DLG2: variants seen among roughly 807,000 people sequenced by gnomAD.
DLG2 encodes discs large MAGUK scaffold protein 2.
Under a neutral mutation model 132.5 loss-of-function variants are expected in DLG2, and 45 were observed. The observed-to-expected ratio is 0.34, with a 90% confidence interval of 0.27 to 0.44. The LOEUF is 0.44. Ranked by LOEUF, DLG2 falls within the 20% of genes least tolerant of loss-of-function variation. The pLI is 1.00. For missense variants in DLG2, 1,045 were observed against 1,196.9 expected (o/e 0.87, Z 1.87); for synonymous variants, 424 against 419.6 (o/e 1.01, Z -0.13).
chr11:85,021,747 C>G lies in DLG2; in HGVS notation c.357+89914G>C, dbSNP rs1359492485. 7.9e-6 allele frequency: 5 copies of G among 631,950 alleles called. No individual in the cohort carries two copies. The African/African-American group carries it at 9.3e-5, about 12-fold the overall frequency. The allele number at this position is 631,950 out of a possible 1,614,324, so 39.1% of individuals were successfully genotyped here. A position where few individuals can be genotyped will look rare whatever the true frequency, so the allele number is the denominator to read the frequency against. Reference sequence around the variant, plus strand: ...GTGAGGAGGGAGAAGAGATTCGATTCTGAGTCTCCTACTCCTGGGTTCTAC... The same window carrying G: ...GTGAGGAGGGAGAAGAGATTCGATTGTGAGTCTCCTACTCCTGGGTTCTAC... On this transcript the variant is annotated intron_variant, in intron 6 of 27. Transcript: ENST00000376104.
At chr11:85,483,978 T>C (rs1022734974) in intron 3 of DLG2, among the ~76,000 whole-genome samples, 8 of 152,094 alleles carry the variant, frequency 5.3e-5, no homozygotes, top group Non-Finnish European at 1.2e-4. Flanking sequence ...GCCCGGGTCT[T>C]CCAGGAGTCG....
At chr11:83,472,057 AAAG>A (rs1341671830) in intron 23 of DLG2, among the ~76,000 whole-genome samples, 1 of 152,178 alleles carries the variant, frequency 6.6e-6, no homozygotes, top group East Asian at 1.9e-4. Flanking sequence ...GTGGGAGAAA[AAAG>A]AATCCAAACC....
Position 84,275,369 on chromosome 11 carries a change from TC to T in DLG2, c.520-24079del, listed in dbSNP as rs1227095334. ...CCATGTGCTATAATTTTTTTTTTTTTCTTGAGACGGAGTCTCGCTCTGTCGC... is the reference window on the plus strand; with the variant it reads ...CCATGTGCTATAATTTTTTTTTTTTTTTGAGACGGAGTCTCGCTCTGTCGC... On this transcript the variant is annotated intron_variant, in intron 7 of 27. Coordinates refer to ENST00000376104, the MANE Select transcript of DLG2 (RefSeq NM_001142699.3). 4.8e-4 allele frequency among the ~76,000 whole-genome samples: 67 copies of T among 139,504 alleles called. 1 individual carries two copies. The South Asian group carries it at 0.014, about 30-fold the overall frequency. 91.5% of individuals were successfully genotyped at this position (139,504 alleles called of 152,430 possible). A position where few individuals can be genotyped will look rare whatever the true frequency, so the allele number is the denominator to read the frequency against.
intron 21 of DLG2, among the ~76,000 whole-genome samples, chr11:83,492,629 C>T (rs1221314157): frequency 6.6e-6 from 1 of 152,126 alleles, no homozygotes; most frequent in Non-Finnish European, 1.5e-5. Flanking sequence ...GGTCCTCCCT[C>T]AGTCTTGTTC....
chr11:85,096,079 A>G (rs2069693591), intron 6 of DLG2, among the ~76,000 whole-genome samples: 2 of 152,144 alleles, frequency 1.3e-5, no homozygotes. Flanking sequence ...CACTCTGTAA[A>G]ATGGAATAAG....
intron 6 of DLG2, among the ~76,000 whole-genome samples, chr11:84,807,211 C>T (rs999444962): frequency 1.3e-5 from 2 of 152,028 alleles, no homozygotes; most frequent in African/African-American, 4.8e-5. Flanking sequence ...TTTGGGAGAC[C>T]AAGGCAGGCA....
In DLG2 at chr11:85,581,100, G is replaced by A. The variant is rs116322176; in HGVS notation, c.40+17557C>T. 5.6e-3 allele frequency among the ~76,000 whole-genome samples: 850 copies of A among 152,166 alleles called. 8 individuals carry two copies. The highest frequency in any genetic ancestry group is 0.019 in the African/African-American group (796 of 41,522). On this transcript the variant is annotated intron_variant, in intron 3 of 27. Transcript: ENST00000376104. ...TCATTCCCCCAGCTCTCTTCCTACC[G>A]GGCCCTGATTTAGCAGTGGCTGTGC...
intron 6 of DLG2, among the ~76,000 whole-genome samples, chr11:84,666,692 TTACA>T (rs1446390688): frequency 6.6e-6 from 1 of 152,020 alleles, no homozygotes; most frequent in Non-Finnish European, 1.5e-5. Context: ...ATGTGTATAA[TTACA>T]TAAACACATT....
At chr11:83,833,593 A>G (rs2055225487) in intron 17 of DLG2, 21 bp downstream of exon 17, 1 of 1,600,832 alleles carries the variant, frequency 6.2e-7, no homozygotes, top group African/African-American at 1.3e-5. Flanking sequence ...GAGGGAATAA[A>G]GATTAAAGAA....
intron 9 of DLG2, among the ~76,000 whole-genome samples, chr11:84,160,446 AAATG>A (rs1157567712): frequency 2.0e-5 from 3 of 152,184 alleles, no homozygotes; most frequent in African/African-American, 7.2e-5. Context: ...ACTTTGATAT[AAATG>A]GATTTATGAC....
chr11:83,492,590 T>C (rs1186519293), intron 21 of DLG2, among the ~76,000 whole-genome samples: 1 of 151,816 alleles, frequency 6.6e-6, no homozygotes, highest in East Asian at 1.9e-4. Context: ...AACAAGCAAA[T>C]AAACACCAAG....
At chr11:85,006,151 T>C (rs140313369) in intron 6 of DLG2, among the ~76,000 whole-genome samples, 9,937 of 152,252 alleles carry the variant, frequency 0.065, 574 homozygotes, top group Non-Finnish European at 0.089. Flanking sequence ...GATTTTTGCA[T>C]TGAAGTTCAT....
chr11:84,699,653 T>C (rs1309319962), intron 6 of DLG2, among the ~76,000 whole-genome samples: 2 of 151,520 alleles, frequency 1.3e-5, no homozygotes. Flanking sequence ...AAAACTTGCT[T>C]TCTAACTCTT....
intron 6 of DLG2, among the ~76,000 whole-genome samples, chr11:84,968,106 A>G (rs1253032163): frequency 1.3e-5 from 2 of 152,202 alleles, no homozygotes; most frequent in African/African-American, 2.4e-5. Context: ...CCAAATGTAA[A>G]TATTCTAAAT....
intron 6 of DLG2, among the ~76,000 whole-genome samples, chr11:85,091,349 G>A (rs536358105): frequency 3.9e-5 from 6 of 152,242 alleles, no homozygotes; most frequent in Admixed American, 6.5e-5. Context: ...AGTGAGTCAC[G>A]ACCTTTTTGC....
intron 18 of DLG2, among the ~76,000 whole-genome samples, chr11:83,716,152 A>T (rs35508643): frequency 0.33 from 50,717 of 151,960 alleles, 9,983 homozygotes; most frequent in African/African-American, 0.55. Context: ...GAGAGTCCTA[A>T]CTCCAAAGGT....
intron 6 of DLG2, among the ~76,000 whole-genome samples, chr11:84,757,061 TA>T (rs893281050): frequency 6.6e-6 from 1 of 152,174 alleles, no homozygotes; most frequent in African/African-American, 2.4e-5. Context: ...TAAGAATAAT[TA>T]TGCTTGTTAG....
intron 3 of DLG2, among the ~76,000 whole-genome samples, chr11:85,512,404 AT>A (rs1271654761): frequency 6.6e-6 from 1 of 152,116 alleles, no homozygotes; most frequent in Admixed American, 6.6e-5. Flanking sequence ...AAGGGTTGAG[AT>A]ATTTAAAAAC....
chr11:85,623,090 A>C (rs944008220), intron 2 of DLG2, among the ~76,000 whole-genome samples: 1 of 152,060 alleles, frequency 6.6e-6, no homozygotes, highest in African/African-American at 2.4e-5. Flanking sequence ...CAATTATATA[A>C]CATTCTTCAG....
Sources: allele counts gnomAD v4.1 joint callset (sites outside exome capture counted in the v4.1 genomes callset), GRCh38; gene constraint gnomAD v4.1.1; transcripts MANE v1.5; gene names NCBI Gene and HGNC (gene_info 2026-07-23, HGNC 2026-07-21).